Variants in SLC36A1 observed in about 807,000 individuals in gnomAD.
The protein encoded by SLC36A1 is proton-coupled amino acid transporter 1.
SLC36A1 carries 30 observed loss-of-function variants against 47.5 expected under a neutral mutation model. That is an observed-to-expected ratio of 0.63 (90% confidence interval 0.47 to 0.86). The LOEUF (loss-of-function observed/expected upper bound fraction) is 0.86, where lower values mean the gene tolerates loss of function less well. Among genes scored for constraint, SLC36A1 ranks in the 40% least tolerant of loss-of-function variants. SLC36A1 has a pLI of 0.00. For synonymous variants in SLC36A1, 255 were observed against 249.7 expected (o/e 1.02, Z -0.20); for missense variants, 517 against 606.0 (o/e 0.85, Z 1.54).
At chr5:151,429,873 C>T in the SLC36A1 span, among the ~76,000 whole-genome samples, 1 of 152,152 alleles carries the variant, frequency 6.6e-6, no homozygotes, top group South Asian at 2.1e-4. Flanking sequence ...GGACAGATGA[C>T]CATTTTATCT....
chr5:151,488,541 C>T lies in SLC36A1; in HGVS notation c.*287C>T, dbSNP rs973869504. On this transcript the variant is annotated 3_prime_UTR_variant, in exon 11 of 11. Coordinates refer to ENST00000243389, the MANE Select transcript of SLC36A1 (RefSeq NM_078483.4). Reference sequence around the variant, plus strand: ...CCCTCATCATGCCTCCTCCTTCCTACCTGCCTCCCCTCTGCTGGTGCACCT... The same window carrying T: ...CCCTCATCATGCCTCCTCCTTCCTATCTGCCTCCCCTCTGCTGGTGCACCT... 2 of 446,020 alleles carry T rather than the reference C, an allele frequency of 4.5e-6. No homozygotes were observed. The allele number at this position is 446,020 out of a possible 1,614,324, so 27.6% of individuals were successfully genotyped here.
At chr5:151,468,269 A>ATATATATATATATATATATATATATATTT (rs1561759734) in intron 7 of SLC36A1, among the ~76,000 whole-genome samples, 3 of 81,626 alleles carry the variant, frequency 3.7e-5, no homozygotes, top group African/African-American at 7.3e-5. Flanking sequence ...AAAAAAAAAT[A>ATATATATATATATATATATATATATATTT]TATATATATA....
the SLC36A1 span, among the ~76,000 whole-genome samples, chr5:151,506,372 A>G: frequency 6.6e-6 from 1 of 152,330 alleles, no homozygotes; most frequent in East Asian, 1.9e-4. Context: ...GGATGTCTCC[A>G]TGCAACCCAC....
chr5:151,522,184 C>G, the SLC36A1 span: 2 of 968,594 alleles, frequency 2.1e-6, no homozygotes, highest in Non-Finnish European at 3.0e-6. Context: ...TTTCTCTGCC[C>G]CACGCCCAAC....
intron 4 of SLC36A1, 45 bp downstream of exon 4, chr5:151,464,647 T>A: frequency 1.3e-6 from 2 of 1,552,608 alleles, no homozygotes; most frequent in Non-Finnish European, 1.8e-6. Flanking sequence ...ATTGTCCTTT[T>A]GGGTTCTGTT....
At chr5:151,496,109 C>T (rs1040475203), downstream of SLC36A1, among the ~76,000 whole-genome samples, 2 of 152,130 alleles carry the variant, frequency 1.3e-5, no homozygotes, top group Non-Finnish European at 2.9e-5. Flanking sequence ...GGGAGGGACC[C>T]GGTGGGAGGT....
rs773058199 is a variant in SLC36A1 at position 151,458,930 on chromosome 5, C to T, written c.138C>T (p.Ser46=). The stretch of plus-strand genomic sequence containing the variant: ...ACCAGCGCTTTGGTCAAAGCAATAG[C>T]ACAACGTGAGTAGCTGTTACCTTCT... ...GSYQRFGQSN[S]TTWFQTLIHL... Residue 46 remains serine (S), a synonymous_variant, in exon 2 of 11, where the codon AGC becomes AGT. Transcript: ENST00000243389. 6 of 1,609,802 alleles carry T rather than the reference C, an allele frequency of 3.7e-6. No homozygotes were observed. In the African/African-American group the frequency reaches 6.7e-5, roughly 18 times the overall value.
At chr5:151,508,750 A>G in the SLC36A1 span, among the ~76,000 whole-genome samples, 12 of 151,678 alleles carry the variant, frequency 7.9e-5, no homozygotes, top group Admixed American at 5.3e-4. Context: ...GCATACCCAG[A>G]GTAATCATGG....
At chr5:151,515,368 T>C in the SLC36A1 span, among the ~76,000 whole-genome samples, 1 of 152,218 alleles carries the variant, frequency 6.6e-6, no homozygotes, top group Admixed American at 6.5e-5. Context: ...CATTGCTTGG[T>C]GATCTCCCAT....
At chr5:151,525,286 A>T in the SLC36A1 span, among the ~76,000 whole-genome samples, 1 of 152,302 alleles carries the variant, frequency 6.6e-6, no homozygotes, top group Non-Finnish European at 1.5e-5. Flanking sequence ...TGAAACCCAT[A>T]ACACCACCAC....
chr5:151,358,487 T>A, the SLC36A1 span, among the ~76,000 whole-genome samples: 830 of 152,278 alleles, frequency 5.5e-3, 10 homozygotes, highest in African/African-American at 0.019. Context: ...GGTCTTGAAC[T>A]CCTGGCCTCC....
chr5:151,465,116 T>C lies in SLC36A1; in HGVS notation c.366T>C (p.Tyr122=). The C allele has an allele frequency of 6.2e-7, 1 of 1,614,190 alleles. No individual in the cohort carries two copies. Among genetic ancestry groups the C allele is most frequent in the East Asian group, 2.2e-5 (1 of 44,888 alleles). The change falls in exon 5 of 11, where the codon TAT becomes TAC. Residue 122 remains tyrosine, a synonymous_variant. Coordinates refer to ENST00000243389, the MANE Select transcript of SLC36A1 (RefSeq NM_078483.4). Reference sequence around the variant, plus strand: ...TGGATTATGGTGATACTGTGATGTATGGACTAGAATCCAGCCCCTGCTCCT... The same window carrying C: ...TGGATTATGGTGATACTGTGATGTACGGACTAGAATCCAGCCCCTGCTCCT... ...SFVDYGDTVM[Y]GLESSPCSWL... is the part of the protein sequence containing the mutation.
chr5:151,411,073 CAA>C, the SLC36A1 span, among the ~76,000 whole-genome samples: 2 of 144,542 alleles, frequency 1.4e-5, 1 homozygote, highest in African/African-American at 5.0e-5. Context: ...AACAGCCTAT[CAA>C]GAGAGAAGTT....
chr5:151,534,501 C>T, the SLC36A1 span: 26 of 1,613,976 alleles, frequency 1.6e-5, no homozygotes, highest in South Asian at 1.4e-4. Context: ...GGGGAAGAAC[C>T]GCGGGGCATT....
the SLC36A1 span, chr5:151,551,598 T>TA: frequency 6.2e-7 from 1 of 1,614,146 alleles, no homozygotes; most frequent in Non-Finnish European, 8.5e-7. Flanking sequence ...TCCATGTCCT[T>TA]ATCCCCACCT....
intron 1 of SLC36A1, among the ~76,000 whole-genome samples, chr5:151,437,644 ATTATTTTACTGTT>A (rs1759848521): frequency 6.6e-6 from 1 of 152,202 alleles, no homozygotes; most frequent in African/African-American, 2.4e-5. Flanking sequence ...TCTCAATATA[ATTATTTTACTGTT>A]TTAGTTCTTT....
chr5:151,359,069 C>T, the SLC36A1 span, among the ~76,000 whole-genome samples: 1 of 151,518 alleles, frequency 6.6e-6, no homozygotes, highest in Non-Finnish European at 1.5e-5. Flanking sequence ...TTATAAATGC[C>T]TCAATGATTC....
At chr5:151,545,304 G>T in the SLC36A1 span, 1 of 1,614,158 alleles carries the variant, frequency 6.2e-7, no homozygotes, top group Non-Finnish European at 8.5e-7. Context: ...CAGAAGCCCT[G>T]ATGGTGAGCT....
chr5:151,547,752 C>T, the SLC36A1 span, among the ~76,000 whole-genome samples: 1 of 152,074 alleles, frequency 6.6e-6, no homozygotes, highest in South Asian at 2.1e-4. Flanking sequence ...TATAATATCA[C>T]ACTGCTGAAA....
Sources: gnomAD v4.1 joint callset for allele counts (sites outside exome capture counted in the v4.1 genomes callset) on GRCh38, gnomAD v4.1.1 for gene constraint, MANE v1.5 for transcripts, NCBI Gene and HGNC (gene_info 2026-07-23, HGNC 2026-07-21) for gene names.